ZNF423: variants seen among roughly 807,000 people sequenced by gnomAD.
The protein encoded by ZNF423 is Ebf-associated zinc finger protein.
A neutral mutation model predicts 95.8 loss-of-function variants in ZNF423; 12 were observed. The ratio of observed to expected loss-of-function variants is 0.13; its 90% CI spans 0.08 to 0.20. ZNF423 has a LOEUF of 0.20. ZNF423 is among the 10% of genes least tolerant of loss of function. The pLI, the probability that ZNF423 is intolerant of heterozygous loss-of-function variation, is 1.00. For missense variants in ZNF423, 1,316 were observed against 1,737.1 expected (o/e 0.76, Z 4.31); for synonymous variants, 749 against 711.9 (o/e 1.05, Z -0.83).
intron 5 of ZNF423, among the ~76,000 whole-genome samples, chr16:49,580,728 G>A (rs575754292): frequency 4.5e-4 from 68 of 152,290 alleles, no homozygotes; most frequent in Middle Eastern, 3.4e-3. Flanking sequence ...ACAATGCCCC[G>A]AGAAGGCCCC....
At chr16:49,493,310 C>T (rs1967044845) in intron 7 of ZNF423, among the ~76,000 whole-genome samples, 2 of 152,178 alleles carry the variant, frequency 1.3e-5, no homozygotes, top group Admixed American at 1.3e-4. Context: ...TCCCTGCAGA[C>T]CTCTCCAGGC....
At chr16:49,752,662 C>T (rs983610796) in intron 2 of ZNF423, among the ~76,000 whole-genome samples, 1 of 152,198 alleles carries the variant, frequency 6.6e-6, no homozygotes, top group Non-Finnish European at 1.5e-5. Context: ...ACAAATTCAT[C>T]GGGACAACTG....
Position 49,642,755 on chromosome 16 carries a change from C to T in ZNF423, c.302-3881G>A, listed in dbSNP as rs16947758. Among the ~76,000 whole-genome samples the T allele has an allele frequency of 7.2e-3, 1,081 of 149,348 alleles. 32 individuals carry two copies. Among genetic ancestry groups the T allele is most frequent in the Admixed American group, 0.052 (774 of 14,962 alleles). Reference sequence around the variant, plus strand: ...AGAGAGATAAGCTAGGGCCAAAGCTCGGGATGTATCTACAGGGGCGTCAGC... The same window carrying T: ...AGAGAGATAAGCTAGGGCCAAAGCTTGGGATGTATCTACAGGGGCGTCAGC... On this transcript the variant is annotated intron_variant, in intron 3 of 7. Coordinates refer to ENST00000563137, the MANE Select transcript of ZNF423 (RefSeq NM_001379286.1).
At chr16:49,712,068 G>A (rs965567318) in intron 3 of ZNF423, among the ~76,000 whole-genome samples, 6 of 152,218 alleles carry the variant, frequency 3.9e-5, no homozygotes, top group African/African-American at 1.4e-4. Context: ...AGTGAGCTAT[G>A]TTCACACCAC....
intron 5 of ZNF423, among the ~76,000 whole-genome samples, chr16:49,596,017 GA>G (rs1022892846): frequency 4.0e-5 from 6 of 150,082 alleles, no homozygotes; most frequent in Non-Finnish European, 7.4e-5. Context: ...CTTAAATGAA[GA>G]AAAAAAAATG....
intron 1 of ZNF423, among the ~76,000 whole-genome samples, chr16:49,804,613 C>T (rs2034633389): frequency 6.6e-6 from 1 of 152,118 alleles, no homozygotes; most frequent in African/African-American, 2.4e-5. Flanking sequence ...GAAACACTGA[C>T]CAGAGCTCAA....
intron 3 of ZNF423, among the ~76,000 whole-genome samples, chr16:49,670,405 G>A (rs1250703673): frequency 6.6e-6 from 1 of 152,212 alleles, no homozygotes; most frequent in Non-Finnish European, 1.5e-5. Flanking sequence ...TCAGCAGGCT[G>A]GTCCCAAGGC....
chr16:49,525,340 G>A (rs773857519), intron 6 of ZNF423, 23 bp downstream of exon 6: 3 of 1,613,504 alleles, frequency 1.9e-6, no homozygotes, highest in South Asian at 1.1e-5. Flanking sequence ...TCTCCCCTGA[G>A]GGGCACAAGC....
chr16:49,799,124 T>A (rs917060856), intron 1 of ZNF423, among the ~76,000 whole-genome samples: 1 of 152,082 alleles, frequency 6.6e-6, no homozygotes, highest in African/African-American at 2.4e-5. Context: ...TTGCAGGCCA[T>A]CAGATCTCAG....
At chr16:49,770,229 C>G (rs1407100538) in intron 2 of ZNF423, among the ~76,000 whole-genome samples, 1 of 139,706 alleles carries the variant, frequency 7.2e-6, no homozygotes, top group South Asian at 2.4e-4. Context: ...TGAATGGGCC[C>G]TCATGGATCC....
At chr16:49,776,530 T>A (rs1596996887) in intron 2 of ZNF423, among the ~76,000 whole-genome samples, 1 of 152,328 alleles carries the variant, frequency 6.6e-6, no homozygotes, top group East Asian at 1.9e-4. Context: ...CTCACAAAGC[T>A]TCCCCCCAAC....
chr16:49,541,100 C>T (rs1030529218), intron 5 of ZNF423, among the ~76,000 whole-genome samples: 1 of 152,180 alleles, frequency 6.6e-6, no homozygotes, highest in Non-Finnish European at 1.5e-5. Flanking sequence ...ATCAGGGACT[C>T]CCGCTCTCTG....
At chr16:49,744,269 T>C (rs1461430915) in intron 2 of ZNF423, among the ~76,000 whole-genome samples, 1 of 152,230 alleles carries the variant, frequency 6.6e-6, no homozygotes, top group Non-Finnish European at 1.5e-5. Flanking sequence ...CTGGGCAGCA[T>C]GACACGTCTG....
At chr16:49,677,664 G>A (rs978483276) in intron 3 of ZNF423, among the ~76,000 whole-genome samples, 27 of 151,228 alleles carry the variant, frequency 1.8e-4, no homozygotes, top group African/African-American at 6.3e-4. Flanking sequence ...TGACGTGGGA[G>A]GATTGCTTCA....
At chr16:49,765,652 C>T (rs949186256) in intron 2 of ZNF423, among the ~76,000 whole-genome samples, 3 of 151,972 alleles carry the variant, frequency 2.0e-5, no homozygotes, top group East Asian at 1.9e-4. Flanking sequence ...GCCAGGAAGT[C>T]GAGGCTGCAG....
intron 5 of ZNF423, among the ~76,000 whole-genome samples, chr16:49,568,728 C>A (rs1337903832): frequency 6.6e-6 from 1 of 152,138 alleles, no homozygotes; most frequent in Non-Finnish European, 1.5e-5. Flanking sequence ...CTCTCCCACA[C>A]CCATTCCTAT....
chr16:49,639,719 C>T (rs151075620), intron 3 of ZNF423, among the ~76,000 whole-genome samples: 149 of 152,294 alleles, frequency 9.8e-4, no homozygotes, highest in African/African-American at 3.5e-3. Context: ...CCCAGGCGGA[C>T]CCTTAACCCC....
upstream of ZNF423, among the ~76,000 whole-genome samples, chr16:49,857,081 G>C (rs1051012742): frequency 6.6e-6 from 1 of 150,524 alleles, no homozygotes; most frequent in Non-Finnish European, 1.5e-5. This position sits in a 1 kb window ranked among gnomAD's most constrained non-coding sequence, Gnocchi z 6.2. Context: ...TCCGGCTGCT[G>C]GGGCTGCACT....
chr16:49,780,565 C>G (rs1440041943), intron 2 of ZNF423: 3 of 152,414 alleles, frequency 2.0e-5, no homozygotes, highest in Non-Finnish European at 4.4e-5. Context: ...GAGTGGCCAC[C>G]TCTCAGCTCC....
Sources: allele counts gnomAD v4.1 joint callset (sites outside exome capture counted in the v4.1 genomes callset), GRCh38; gene constraint gnomAD v4.1.1; non-coding constraint Gnocchi (gnomAD v3.1); transcripts MANE v1.5; gene names NCBI Gene and HGNC (gene_info 2026-07-23, HGNC 2026-07-21).